The following DMD variants were observed in gnomAD, a reference collection of about 807,000 sequenced individuals.
DMD encodes the protein dystrophin.
In DMD, 63 loss-of-function variants were observed where a neutral mutation model predicts 330.1. The observed-to-expected ratio is 0.19, with a 90% CI of 0.16 to 0.24. The LOEUF is 0.24. Among genes scored for constraint, DMD ranks in the 10% least tolerant of loss-of-function variants. DMD has a pLI of 1.00. For missense variants in DMD, 3,344 were observed against 2,684.1 expected (o/e 1.25, Z -5.43); for synonymous variants, 1,223 against 959.8 (o/e 1.27, Z -5.07).
chrX:31,559,521 G>A (rs758334150), intron 55 of DMD, among the ~76,000 whole-genome samples: 1 of 88,193 alleles, frequency 1.1e-5, no homozygotes, highest in East Asian at 3.6e-4. Context: ...CGCGCCTGTA[G>A]TCCCAGCTAC....
intron 43 of DMD, among the ~76,000 whole-genome samples, chrX:32,285,350 G>A (rs1191871950): frequency 8.9e-6 from 1 of 112,194 alleles, no homozygotes; most frequent in African/African-American, 3.2e-5. Flanking sequence ...AGCCCGCAGA[G>A]CCTCATAATG....
At chrX:31,499,789 A>G (rs780328041) in intron 56 of DMD, among the ~76,000 whole-genome samples, 3 of 111,840 alleles carry the variant, frequency 2.7e-5, no homozygotes, top group Non-Finnish European at 5.6e-5. Context: ...TACCACACCC[A>G]GCCGGGAATT....
chrX:32,758,883 A>C (rs1351262634), intron 7 of DMD, among the ~76,000 whole-genome samples: 1 of 111,778 alleles, frequency 8.9e-6, no homozygotes, highest in East Asian at 2.8e-4. Context: ...GCGTCCACAA[A>C]CAAAACAGAC....
chrX:31,419,070 C>T (rs1386845475), intron 60 of DMD, among the ~76,000 whole-genome samples: 1 of 109,363 alleles, frequency 9.1e-6, no homozygotes, highest in African/African-American at 3.3e-5. Context: ...TCAGCCTCCC[C>T]AGTAGATGGG....
chrX:33,338,231 G>C (rs1030876560), intron 1 of DMD, among the ~76,000 whole-genome samples: 1 of 111,056 alleles, frequency 9.0e-6, no homozygotes, highest in African/African-American at 3.3e-5. Flanking sequence ...TGTGAAGATA[G>C]GTTATAGAAA....
intron 44 of DMD, among the ~76,000 whole-genome samples, chrX:32,029,963 G>C (rs1318990470): frequency 1.8e-5 from 2 of 111,549 alleles, no homozygotes; most frequent in African/African-American, 6.5e-5. Flanking sequence ...CCAGATCCTG[G>C]TCTCAGAGAT....
chrX:32,697,764 A>G (rs948898570), intron 9 of DMD, 106 bp downstream of exon 9: 2 of 1,083,748 alleles, frequency 1.8e-6, no homozygotes, highest in Non-Finnish European at 2.5e-6. Flanking sequence ...CCAGCTCTTC[A>G]CGAGGAGATA....
intron 54 of DMD, among the ~76,000 whole-genome samples, chrX:31,656,341 T>C (rs925604840): frequency 5.4e-5 from 6 of 111,998 alleles, no homozygotes; most frequent in African/African-American, 1.9e-4. Flanking sequence ...TCCAGAGACC[T>C]TGATAAAACA....
intron 7 of DMD, among the ~76,000 whole-genome samples, chrX:32,706,248 G>T (rs1243613772): frequency 1.5e-5 from 1 of 64,718 alleles, no homozygotes; most frequent in Non-Finnish European, 2.9e-5. Context: ...AGTGGGGAGG[G>T]GGGAGGGATA....
At chrX:31,899,175 G>A (rs1036984842) in intron 47 of DMD, among the ~76,000 whole-genome samples, 7 of 111,676 alleles carry the variant, frequency 6.3e-5, no homozygotes, top group African/African-American at 1.9e-4. Flanking sequence ...CCTTGGCATA[G>A]GCACATTATT....
chrX:32,724,310 G>T (rs2066638915), intron 7 of DMD, among the ~76,000 whole-genome samples: 1 of 111,470 alleles, frequency 9.0e-6, no homozygotes, highest in Admixed American at 9.6e-5. Context: ...AGGCTGTTAT[G>T]GCTCAAATTC....
intron 17 of DMD, among the ~76,000 whole-genome samples, chrX:32,523,116 C>T (rs945881270): frequency 7.2e-5 from 8 of 111,508 alleles, no homozygotes; most frequent in African/African-American, 2.0e-4. Flanking sequence ...TTCTACTAGG[C>T]GTTGAATTGA....
In DMD at chrX:31,271,697, C is replaced by T. The variant is rs1375974706; in HGVS notation, c.9225-10681G>A. On this transcript the variant is annotated intron_variant, in intron 62 of 78. Coordinates refer to ENST00000357033, the MANE Select transcript of DMD (RefSeq NM_004006.3). ...AGTATAGGTATCACTTCAATTAACT[C>T]GAATACATATTCTATAGTAAAATGT... is the stretch of plus-strand genomic sequence containing the variant. Among the ~76,000 whole-genome samples, 4 of 111,344 alleles carry T rather than the reference C, an allele frequency of 3.6e-5. No homozygotes were observed. In the South Asian group the frequency reaches 1.2e-3, roughly 32 times the overall value.
chrX:32,951,136 C>A (rs773552606), intron 2 of DMD, among the ~76,000 whole-genome samples: 1 of 111,318 alleles, frequency 9.0e-6, no homozygotes, highest in East Asian at 2.8e-4. Flanking sequence ...GCTGACAAGC[C>A]ATGGGGTAAA....
intron 13 of DMD, among the ~76,000 whole-genome samples, chrX:32,589,036 G>C (rs1341821717): frequency 8.9e-6 from 1 of 111,824 alleles, no homozygotes; most frequent in Non-Finnish European, 1.9e-5. Flanking sequence ...GGAAAGATCT[G>C]GGCAGAAGAC....
chrX:32,746,431 G>C (rs1207819604), intron 7 of DMD, among the ~76,000 whole-genome samples: 1 of 111,929 alleles, frequency 8.9e-6, no homozygotes, highest in Non-Finnish European at 1.9e-5. Flanking sequence ...GGCAGGCTAT[G>C]GTTCTCAAAG....
chrX:31,949,926 T>C (rs1436122478), intron 45 of DMD, among the ~76,000 whole-genome samples: 1 of 109,754 alleles, frequency 9.1e-6, no homozygotes, highest in Non-Finnish European at 1.9e-5. Context: ...AGCTTCTCCA[T>C]GTAAAAAATA....
chrX:31,961,338 T>C (rs1296835034), intron 45 of DMD, among the ~76,000 whole-genome samples: 1 of 111,807 alleles, frequency 8.9e-6, no homozygotes, highest in African/African-American at 3.3e-5. Flanking sequence ...TATATAATAA[T>C]GTCAAGTGTA....
intron 74 of DMD, among the ~76,000 whole-genome samples, chrX:31,152,184 C>CTTT (rs1161340463): frequency 9.1e-5 from 9 of 98,368 alleles, no homozygotes; most frequent in African/African-American, 3.5e-4. Context: ...CTTTAAGCAT[C>CTTT]TTTTTTTTTT....
Sources: allele counts gnomAD v4.1 joint callset (sites outside exome capture counted in the v4.1 genomes callset), GRCh38; gene constraint gnomAD v4.1.1; transcripts MANE v1.5; gene names NCBI Gene and HGNC (gene_info 2026-07-23, HGNC 2026-07-21).